Variants in FBXW7 observed in about 807,000 individuals in gnomAD.
The protein encoded by FBXW7 is F-box and WD repeat domain containing 7, also known as F-box/WD repeat-containing protein 7.
In FBXW7, 11 loss-of-function variants were observed where a neutral mutation model predicts 86.3. The observed-to-expected ratio is 0.13, with a 90% CI of 0.08 to 0.21. The LOEUF (loss-of-function observed/expected upper bound fraction) is 0.21. Among genes scored for constraint, FBXW7 ranks in the 10% least tolerant of loss-of-function variants. The probability of loss-of-function intolerance (pLI) is 1.00; values close to 1 mark genes in which losing one functional copy is unlikely to be tolerated. For synonymous variants in FBXW7, 313 were observed against 297.9 expected, an observed-to-expected ratio of 1.05 and a Z score of -0.52; for missense variants, 488 against 847.4, an observed-to-expected ratio of 0.58 and a Z score of 5.27.
At chr4:152,365,076 T>TGAGG (rs1733345542) in intron 4 of FBXW7, among the ~76,000 whole-genome samples, 2 of 152,030 alleles carry the variant, frequency 1.3e-5, no homozygotes, top group Non-Finnish European at 2.9e-5. Context: ...TCGAAGAGTG[T>TGAGG]TAAGAATGGT....
At position 152,337,807 on chromosome 4, in the gene FBXW7, T is replaced by C. The variant is rs1490325931; in HGVS notation, c.856A>G (p.Lys286Glu). ...FQRDFISLLP[K>E]ELALYVLSFL... Reference sequence around the variant, plus strand: ...ATGTAATTGATAATCTTTACCTCTTTAGGGAGCAATGAAATGAAGTCTCGT... The same window carrying C: ...ATGTAATTGATAATCTTTACCTCTTCAGGGAGCAATGAAATGAAGTCTCGT... Residue 286 changes from lysine (K) to glutamate (E), a missense_variant, in exon 7 of 14, where the codon AAA becomes GAA. By Grantham distance (56) the Lys-to-Glu change is moderately conservative. Transcript: ENST00000281708. 1.9e-6 allele frequency: 3 copies of C among 1,610,088 alleles called. No individual in the cohort carries two copies. Among genetic ancestry groups the C allele is most frequent in the South Asian group, 1.1e-5 (1 of 90,282 alleles).
chr4:152,389,706 A>G (rs1735837672), intron 4 of FBXW7, among the ~76,000 whole-genome samples: 1 of 152,024 alleles, frequency 6.6e-6, no homozygotes, highest in Non-Finnish European at 1.5e-5. Flanking sequence ...AAATTTCACC[A>G]CTATGTAATA....
At chr4:152,325,326 T>C (rs1728921916) in intron 12 of FBXW7, 1 of 152,180 alleles carries the variant, frequency 6.6e-6, no homozygotes. Context: ...TAATGGGTAA[T>C]AACTGGTAAA....
intron 2 of FBXW7, among the ~76,000 whole-genome samples, chr4:152,458,179 G>A (rs552450747): frequency 2.0e-5 from 3 of 151,716 alleles, no homozygotes; most frequent in South Asian, 2.1e-4. Flanking sequence ...ACCACCACGC[G>A]CAGCTAATTT....
At position 152,349,988 on chromosome 4, in the gene FBXW7, G is replaced by C. The variant is rs1453903791; in HGVS notation, c.584+54C>G. 1.2e-5 allele frequency: 12 copies of C among 1,002,082 alleles called. No homozygotes were observed. In the South Asian group the frequency reaches 1.4e-4, roughly 12 times the overall value. The allele number at this position is 1,002,082 out of a possible 1,614,324, so 62.1% of individuals were successfully genotyped here. The stretch of plus-strand genomic sequence containing the variant: ...ACAAGAATAAACTAAAACACTTTCA[G>C]AATCAACTCTAAAAAACTGAGAATC... On this transcript the variant is annotated intron_variant, in intron 5 of 13. Coordinates refer to ENST00000281708, the MANE Select transcript of FBXW7 (RefSeq NM_001349798.2).
At chr4:152,530,562 C>T (rs1749939923) in intron 2 of FBXW7, 2 of 152,156 alleles carry the variant, frequency 1.3e-5, no homozygotes, top group African/African-American at 2.4e-5. Context: ...GGTATCACCC[C>T]GACCCTCAAT....
At chr4:152,472,059 G>A (rs971261404) in intron 2 of FBXW7, among the ~76,000 whole-genome samples, 5 of 151,822 alleles carry the variant, frequency 3.3e-5, no homozygotes, top group Non-Finnish European at 7.4e-5. Flanking sequence ...CGATTTTTAA[G>A]ATAGGCTAAA....
At chr4:152,394,845 G>C (rs914932654) in intron 4 of FBXW7, among the ~76,000 whole-genome samples, 3 of 152,030 alleles carry the variant, frequency 2.0e-5, no homozygotes, top group Admixed American at 6.6e-5. Flanking sequence ...GTTTGTGCAA[G>C]GTCAAACTGC....
At chr4:152,517,203 A>C (rs944818947) in intron 2 of FBXW7, among the ~76,000 whole-genome samples, 1 of 152,166 alleles carries the variant, frequency 6.6e-6, no homozygotes. Context: ...AAGTGTAAAT[A>C]AAGTTGGAGG....
At chr4:152,430,566 A>G (rs1384536995) in intron 2 of FBXW7, among the ~76,000 whole-genome samples, 1 of 152,106 alleles carries the variant, frequency 6.6e-6, no homozygotes, top group African/African-American at 2.4e-5. Context: ...AGAAAAAAGA[A>G]CAGTTTTAAG....
intron 4 of FBXW7, among the ~76,000 whole-genome samples, chr4:152,367,273 A>T (rs1413449622): frequency 1.3e-5 from 2 of 151,626 alleles, no homozygotes; most frequent in East Asian, 1.9e-4. Flanking sequence ...CTTAAAGTAT[A>T]AAAAAAAACT....
chr4:152,347,982 G>A (rs560321633), intron 5 of FBXW7, among the ~76,000 whole-genome samples: 3 of 149,184 alleles, frequency 2.0e-5, no homozygotes, highest in Admixed American at 6.8e-5. Flanking sequence ...AAAAAAAGCA[G>A]CAGGAAGGTC....
intron 4 of FBXW7, among the ~76,000 whole-genome samples, chr4:152,393,741 C>T (rs1579080460): frequency 6.6e-6 from 1 of 152,052 alleles, no homozygotes; most frequent in South Asian, 2.1e-4. Flanking sequence ...ATTTCAATAA[C>T]CAAAAACTGC....
At chr4:152,449,022 C>T (rs1040820082) in intron 2 of FBXW7, among the ~76,000 whole-genome samples, 2 of 152,174 alleles carry the variant, frequency 1.3e-5, no homozygotes, top group Non-Finnish European at 2.9e-5. Context: ...CAGGAATGAG[C>T]TCCACCCCTC....
At chr4:152,337,693 A>T in intron 7 of FBXW7, 109 bp downstream of exon 7, 1 of 1,172,524 alleles carries the variant, frequency 8.5e-7, no homozygotes, top group South Asian at 1.6e-5. Flanking sequence ...AAGAGTGTCA[A>T]ACTGACAATA....
chr4:152,384,641 G>A lies in FBXW7; in HGVS notation c.501+26662C>T, dbSNP rs796685217. On this transcript the variant is annotated intron_variant, in intron 4 of 13. Coordinates refer to ENST00000281708, the MANE Select transcript of FBXW7 (RefSeq NM_001349798.2). ...CAATGTAAATATATTTAGTGCCACT[G>A]AATTGTATACTTAAACATGGTTAAA... 3.3e-5 allele frequency among the ~76,000 whole-genome samples: 5 copies of A among 152,006 alleles called. No homozygotes were observed. In the South Asian group the frequency reaches 8.3e-4, roughly 25 times the overall value.
At chr4:152,447,057 G>A (rs1436859580) in intron 2 of FBXW7, among the ~76,000 whole-genome samples, 1 of 152,068 alleles carries the variant, frequency 6.6e-6, no homozygotes, top group Non-Finnish European at 1.5e-5. Context: ...TGAATTAAAG[G>A]AAATGTGCAG....
intron 10 of FBXW7, chr4:152,329,083 C>T (rs1409455329): frequency 6.6e-6 from 1 of 151,802 alleles, no homozygotes; most frequent in Non-Finnish European, 1.5e-5. Context: ...ATATTCTCTA[C>T]TGGACAGATA....
chr4:152,347,718 T>C (rs2126640010), intron 5 of FBXW7, among the ~76,000 whole-genome samples: 1 of 152,236 alleles, frequency 6.6e-6, no homozygotes, highest in African/African-American at 2.4e-5. Flanking sequence ...AATAAGATCA[T>C]CTAAACATTT....
Sources: allele counts gnomAD v4.1 joint callset (sites outside exome capture counted in the v4.1 genomes callset), GRCh38; gene constraint gnomAD v4.1.1; transcripts MANE v1.5; gene names NCBI Gene and HGNC (gene_info 2026-07-23, HGNC 2026-07-21).